MRPS28: variants seen among roughly 807,000 people sequenced by gnomAD.
MRPS28 encodes mitochondrial ribosomal protein S28, also known as small ribosomal subunit protein bS1m.
In MRPS28, 7 loss-of-function variants were observed where a neutral mutation model predicts 10.8. The observed-to-expected ratio is 0.65, with a 90% CI of 0.37 to 1.22. The LOEUF (loss-of-function observed/expected upper bound fraction) is 1.22, where lower values mean the gene tolerates loss of function less well. MRPS28 is among the 50% of genes most tolerant of loss of function. The probability of loss-of-function intolerance (pLI) is 0.02; values close to 1 mark genes in which losing one functional copy is unlikely to be tolerated. For missense variants in MRPS28, 265 were observed against 232.9 expected, an observed-to-expected ratio of 1.14 and a Z score of -0.90; for synonymous variants, 121 against 93.3, an observed-to-expected ratio of 1.30 and a Z score of -1.71.
chr8:80,024,750 T>A (rs1004909666), intron 1 of MRPS28, among the ~76,000 whole-genome samples: 13 of 152,204 alleles, frequency 8.5e-5, no homozygotes, highest in Non-Finnish European at 1.5e-4. Flanking sequence ...CCTACTTAAG[T>A]GTAAAGCATT....
At chr8:79,925,685 A>T (rs1358625501) in intron 2 of MRPS28, among the ~76,000 whole-genome samples, 1 of 152,226 alleles carries the variant, frequency 6.6e-6, no homozygotes, top group African/African-American at 2.4e-5. Context: ...ACAAAAGAAG[A>T]TGTGTCAAGA....
chr8:80,015,691 G>C (rs1809177973), intron 1 of MRPS28, among the ~76,000 whole-genome samples: 1 of 152,142 alleles, frequency 6.6e-6, no homozygotes, highest in South Asian at 2.1e-4. Flanking sequence ...AAGAGACAGA[G>C]CAAGGATCAG....
intron 1 of MRPS28, among the ~76,000 whole-genome samples, chr8:80,004,586 C>T (rs1808771522): frequency 6.6e-6 from 1 of 152,142 alleles, no homozygotes; most frequent in Admixed American, 6.5e-5. Flanking sequence ...TGCCTCTCCC[C>T]CTCCAAAGGA....
chr8:79,955,250 G>A (rs1408234680), intron 2 of MRPS28, among the ~76,000 whole-genome samples: 1 of 152,124 alleles, frequency 6.6e-6, no homozygotes, highest in Non-Finnish European at 1.5e-5. Flanking sequence ...GGTTGAGAAC[G>A]AGAAAATAAA....
intron 2 of MRPS28, among the ~76,000 whole-genome samples, chr8:79,989,067 T>A (rs1274142610): frequency 6.6e-6 from 1 of 152,162 alleles, no homozygotes; most frequent in Non-Finnish European, 1.5e-5. Flanking sequence ...GGTAACCAGA[T>A]GTCCCTGATG....
chr8:79,994,090 C>G (rs1005957853), intron 2 of MRPS28, among the ~76,000 whole-genome samples: 2 of 152,186 alleles, frequency 1.3e-5, no homozygotes, highest in Non-Finnish European at 2.9e-5. Flanking sequence ...ACACAATCCT[C>G]ATTAACACAT....
At position 79,928,330 on chromosome 8, in the gene MRPS28, A is replaced by AAAATT. The variant is rs1186304503; in HGVS notation, c.396-9187_396-9183dup. ...TGGGCAATGGAGTGAGCACCTGTCT[A>AAAATT]AAATTAAATTAAATTAAAAACAAAA... On this transcript the variant is annotated intron_variant, in intron 2 of 2. Transcript: ENST00000276585. Among the ~76,000 whole-genome samples the AAAATT allele has an allele frequency of 1.6e-4, 25 of 152,212 alleles. No individual in the cohort carries two copies. The East Asian group carries it at 4.1e-3, about 25-fold the overall frequency.
At chr8:80,016,301 G>GA (rs1174594398) in intron 1 of MRPS28, among the ~76,000 whole-genome samples, 1 of 151,716 alleles carries the variant, frequency 6.6e-6, no homozygotes, top group East Asian at 1.9e-4. Flanking sequence ...AGCTTGGGGG[G>GA]AAAACAGCTT....
chr8:79,974,535 T>C (rs1807737404), intron 2 of MRPS28, among the ~76,000 whole-genome samples: 1 of 151,222 alleles, frequency 6.6e-6, no homozygotes. Flanking sequence ...AGCGAGACTC[T>C]GTCTCAAAAA....
At chr8:80,016,199 A>G (rs922060332) in intron 1 of MRPS28, among the ~76,000 whole-genome samples, 5 of 152,156 alleles carry the variant, frequency 3.3e-5, no homozygotes, top group Non-Finnish European at 7.4e-5. Context: ...GAGGACATCA[A>G]CCAGAATAAA....
intron 2 of MRPS28, among the ~76,000 whole-genome samples, chr8:79,972,110 C>A (rs1807650366): frequency 6.6e-6 from 1 of 152,108 alleles, no homozygotes; most frequent in Non-Finnish European, 1.5e-5. Flanking sequence ...CAGATTCAGT[C>A]AACCACAAAT....
chr8:79,970,597 A>T (rs1473130787), intron 2 of MRPS28, among the ~76,000 whole-genome samples: 1 of 152,226 alleles, frequency 6.6e-6, no homozygotes, highest in Non-Finnish European at 1.5e-5. Flanking sequence ...AACTGTTTAC[A>T]GAACTTGGGC....
chr8:80,013,649 A>G (rs1411709520), intron 1 of MRPS28, among the ~76,000 whole-genome samples: 8 of 151,142 alleles, frequency 5.3e-5, no homozygotes, highest in East Asian at 1.9e-4. Flanking sequence ...AAAAAAAAAA[A>G]AAAAGAAAAG....
intron 2 of MRPS28, among the ~76,000 whole-genome samples, chr8:79,997,407 T>TGC: frequency 6.6e-6 from 1 of 152,254 alleles, no homozygotes; most frequent in East Asian, 1.9e-4. Flanking sequence ...CTTCCTCACA[T>TGC]AACAATACCC....
intron 1 of MRPS28, 93 bp downstream of exon 1, chr8:80,029,943 C>A (rs1032090886): frequency 2.6e-6 from 4 of 1,537,658 alleles, no homozygotes; most frequent in Non-Finnish European, 2.6e-6. Flanking sequence ...CTCAGCTCCC[C>A]TTCCTAAGCC....
Position 79,919,004 on chromosome 8 carries a change from C to T in MRPS28, c.540G>A (p.Ser180=), listed in dbSNP as rs147631923. 1.7e-3 allele frequency: 2,601 copies of T among 1,565,256 alleles called. 38 individuals are homozygous for T. The African/African-American group carries it at 0.03, about 18-fold the overall frequency. ...LGIQESKDSR[S]KEEHHEK ...TTTATTTTTCATGATGTTCTTCTTTCGATCTTGAGTCTTTACTCTCCTGGA... is the reference window on the plus strand; with the variant it reads ...TTTATTTTTCATGATGTTCTTCTTTTGATCTTGAGTCTTTACTCTCCTGGA... Residue 180 remains serine, a synonymous_variant, in exon 3 of 3, where the codon TCG becomes TCA. Transcript: ENST00000276585.
At chr8:79,922,216 T>C (rs935660488) in intron 2 of MRPS28, among the ~76,000 whole-genome samples, 1 of 152,170 alleles carries the variant, frequency 6.6e-6, no homozygotes, top group African/African-American at 2.4e-5. Context: ...TGGATGAACC[T>C]GGAGGACTTT....
intron 2 of MRPS28, among the ~76,000 whole-genome samples, chr8:79,961,030 G>A (rs990574092): frequency 1.3e-5 from 2 of 152,002 alleles, no homozygotes; most frequent in African/African-American, 4.8e-5. Context: ...TGTTGAGGCC[G>A]GCCTTCCCTG....
intron 2 of MRPS28, among the ~76,000 whole-genome samples, chr8:79,938,125 G>GA (rs1806654138): frequency 6.6e-6 from 1 of 152,002 alleles, no homozygotes; most frequent in African/African-American, 2.4e-5. Context: ...GGCAACTTCT[G>GA]AAGGATGCAC....
Sources: gnomAD v4.1 joint callset for allele counts (sites outside exome capture counted in the v4.1 genomes callset) on GRCh38, gnomAD v4.1.1 for gene constraint, MANE v1.5 for transcripts, NCBI Gene and HGNC (gene_info 2026-07-23, HGNC 2026-07-21) for gene names.